Variants in MYO3A observed in about 807,000 individuals in gnomAD.
The protein encoded by MYO3A is myosin IIIA.
MYO3A carries 180 observed loss-of-function variants against 192.7 expected under a neutral mutation model. The observed-to-expected ratio is 0.93, with a 90% CI of 0.83 to 1.06. The LOEUF is 1.06. Among genes scored for constraint, MYO3A ranks in the 50% least tolerant of loss-of-function variants. The pLI is 0.00. For missense variants in MYO3A, 1,896 were observed against 1,905.0 expected (o/e 1.00, Z 0.09); for synonymous variants, 628 against 645.3 (o/e 0.97, Z 0.41).
intron 29 of MYO3A, among the ~76,000 whole-genome samples, chr10:26,170,977 T>G (rs1842019513): frequency 6.6e-6 from 1 of 152,200 alleles, no homozygotes. Flanking sequence ...GCAAACCACT[T>G]ATTCACTTAT....
chr10:26,096,660 A>G lies in MYO3A; in HGVS notation c.1754A>G (p.Lys585Arg). ...SQYELIEQCFKVIGFTMEQLG... is the reference protein window; with the variant it reads ...SQYELIEQCFRVIGFTMEQLG... ...TATGAATTAATTGAGCAATGTTTCA[A>G]AGTCATAGGTTTTACAATGGAGGTA... Residue 585 changes from lysine (K) to arginine (R), a missense_variant, in exon 17 of 35, where the codon AAA (lysine) becomes AGA (arginine). By Grantham distance (26) the Lys-to-Arg change is conservative. Transcript: ENST00000642920. The G allele has an allele frequency of 6.3e-7, 1 of 1,586,248 alleles. No individual in the cohort carries two copies. Among genetic ancestry groups the G allele is most frequent in the Non-Finnish European group, 8.7e-7 (1 of 1,154,580 alleles).
intron 2 of MYO3A, among the ~76,000 whole-genome samples, chr10:25,950,235 C>T (rs1837122173): frequency 6.6e-6 from 1 of 152,124 alleles, no homozygotes. Flanking sequence ...AATGAACTTA[C>T]TATGTTTGAT....
chr10:26,147,637 C>T (rs986761063), intron 23 of MYO3A, 78 bp downstream of exon 23: 1 of 1,593,642 alleles, frequency 6.3e-7, no homozygotes, highest in Non-Finnish European at 8.6e-7. Flanking sequence ...TCACTAATTT[C>T]ATCCTTAATT....
chr10:26,161,726 G>C (rs903399233), intron 26 of MYO3A, among the ~76,000 whole-genome samples: 4 of 152,098 alleles, frequency 2.6e-5, no homozygotes, highest in Non-Finnish European at 4.4e-5. Context: ...GGATTTTATT[G>C]ATAGAACCAG....
At chr10:26,134,473 A>C (rs995137494) in intron 20 of MYO3A, among the ~76,000 whole-genome samples, 2 of 125,450 alleles carry the variant, frequency 1.6e-5, no homozygotes, top group African/African-American at 5.6e-5. Flanking sequence ...AAGTATTATC[A>C]CTGTTTTTTA....
intron 17 of MYO3A, among the ~76,000 whole-genome samples, chr10:26,100,498 G>A (rs1054162793): frequency 1.3e-5 from 2 of 152,110 alleles, no homozygotes; most frequent in African/African-American, 2.4e-5. Flanking sequence ...TGTGATGTTA[G>A]GGTGTCAATT....
chr10:25,992,587 C>T (rs567709239), intron 4 of MYO3A, among the ~76,000 whole-genome samples: 1,694 of 143,932 alleles, frequency 0.012, 27 homozygotes, highest in African/African-American at 0.04. Context: ...TGTCTTGTGC[C>T]GGTTTTCAAA....
chr10:25,981,802 A>G (rs1839344894), intron 4 of MYO3A, among the ~76,000 whole-genome samples: 1 of 152,240 alleles, frequency 6.6e-6, no homozygotes, highest in African/African-American at 2.4e-5. Context: ...TGCAGCTCCT[A>G]CTCAAGACAG....
chr10:26,104,749 C>G (rs1564553150), intron 17 of MYO3A, among the ~76,000 whole-genome samples: 1 of 151,760 alleles, frequency 6.6e-6, no homozygotes, highest in Non-Finnish European at 1.5e-5. Flanking sequence ...GCTCCCTCTT[C>G]CCCATCTTAC....
intron 17 of MYO3A, among the ~76,000 whole-genome samples, chr10:26,113,671 G>T (rs147506783): frequency 6.6e-6 from 1 of 151,950 alleles, no homozygotes; most frequent in East Asian, 1.9e-4. Flanking sequence ...ACTAAATGAC[G>T]CAGCCAAGGA....
chr10:26,182,105 C>T (rs1219731110), intron 31 of MYO3A, among the ~76,000 whole-genome samples: 1 of 152,202 alleles, frequency 6.6e-6, no homozygotes, highest in Admixed American at 6.5e-5. Flanking sequence ...ACAACAAGAG[C>T]CCCTAAGTCT....
intron 10 of MYO3A, among the ~76,000 whole-genome samples, chr10:26,039,809 A>G (rs748136608): frequency 2.0e-5 from 3 of 151,892 alleles, no homozygotes; most frequent in Non-Finnish European, 4.4e-5. Flanking sequence ...AATTTTCTTT[A>G]TCTTTAAAAA....
intron 10 of MYO3A, among the ~76,000 whole-genome samples, chr10:26,048,240 C>A (rs1367215311): frequency 6.6e-6 from 1 of 152,086 alleles, no homozygotes; most frequent in Non-Finnish European, 1.5e-5. Flanking sequence ...TGTTTGCTTT[C>A]CCATTTACTT....
At chr10:26,147,678 A>G (rs1252505906) in intron 23 of MYO3A, 119 bp downstream of exon 23, 1 of 1,445,452 alleles carries the variant, frequency 6.9e-7, no homozygotes, top group African/African-American at 1.4e-5. Context: ...GGCTCACTAA[A>G]TATTCATTTG....
chr10:26,034,924 A>AGTGTGT lies in MYO3A; in HGVS notation c.953+8393_953+8394insTGTGTG, dbSNP rs370942096. ...ATGTTTTTGTGTTTTTTTTACATGA[A>AGTGTGT]GCGTGTGTGTGTGTGTGTGTGCGCA... On this transcript the variant is annotated intron_variant, in intron 10 of 34. Transcript: ENST00000642920. Among the ~76,000 whole-genome samples, 142 of 151,120 alleles carry AGTGTGT rather than the reference A, an allele frequency of 9.4e-4. 2 individuals carry two copies. Among genetic ancestry groups the AGTGTGT allele is most frequent in the Middle Eastern group, 3.4e-3 (1 of 292 alleles).
At chr10:26,068,258 A>T (rs1157063037) in intron 11 of MYO3A, among the ~76,000 whole-genome samples, 1 of 152,188 alleles carries the variant, frequency 6.6e-6, no homozygotes, top group Non-Finnish European at 1.5e-5. Flanking sequence ...ACATTATCAA[A>T]ATCAATTCAT....
chr10:26,175,770 G>A (rs1305261229), intron 30 of MYO3A, among the ~76,000 whole-genome samples: 1 of 152,174 alleles, frequency 6.6e-6, no homozygotes, highest in South Asian at 2.1e-4. Context: ...CTGCTATGCC[G>A]TGGAGACATG....
At chr10:26,012,096 A>G (rs762110353) in intron 6 of MYO3A, among the ~76,000 whole-genome samples, 1 of 152,184 alleles carries the variant, frequency 6.6e-6, no homozygotes, top group South Asian at 2.1e-4. Context: ...GAAGGCACCT[A>G]TCTCAAAATA....
At chr10:26,019,215 TTCTATTTATTTA>T (rs1842145010) in intron 7 of MYO3A, among the ~76,000 whole-genome samples, 1 of 145,582 alleles carries the variant, frequency 6.9e-6, no homozygotes, top group African/African-American at 2.6e-5. Context: ...TTTCTGGTTA[TTCTATTTATTTA>T]TTTATTTATT....
Sources: allele counts gnomAD v4.1 joint callset (sites outside exome capture counted in the v4.1 genomes callset), GRCh38; gene constraint gnomAD v4.1.1; transcripts MANE v1.5; gene names NCBI Gene and HGNC (gene_info 2026-07-23, HGNC 2026-07-21).